PRDM16: variants seen among roughly 807,000 people sequenced by gnomAD.
The protein encoded by PRDM16 is histone-lysine N-methyltransferase PRDM16.
A neutral mutation model predicts 110.6 loss-of-function variants in PRDM16; 23 were observed. That is an observed-to-expected ratio of 0.21 (90% CI 0.15 to 0.29). The LOEUF (loss-of-function observed/expected upper bound fraction) is 0.29, where lower values mean the gene tolerates loss of function less well. Ranked by LOEUF, PRDM16 falls within the 10% of genes least tolerant of loss-of-function variation. The pLI, the probability that PRDM16 is intolerant of heterozygous loss-of-function variation, is 1.00. For missense variants in PRDM16, 1,615 were observed against 1,794.3 expected (o/e 0.90, Z 1.81); for synonymous variants, 799 against 781.8 (o/e 1.02, Z -0.37).
chr1:3,415,370 G>A (rs1643761621), intron 10 of PRDM16, among the ~76,000 whole-genome samples: 2 of 152,376 alleles, frequency 1.3e-5, no homozygotes, highest in South Asian at 4.1e-4. Flanking sequence ...GGGTCGCACA[G>A]TGGGCCTGGC....
At chr1:3,203,461 G>T (rs1557526466) in intron 2 of PRDM16, among the ~76,000 whole-genome samples, 1 of 152,244 alleles carries the variant, frequency 6.6e-6, no homozygotes, top group Non-Finnish European at 1.5e-5. Flanking sequence ...CTGCCGCAAG[G>T]TGCCATGTGC....
chr1:3,178,798 G>C (rs1644119209), intron 1 of PRDM16, among the ~76,000 whole-genome samples: 1 of 152,124 alleles, frequency 6.6e-6, no homozygotes, highest in South Asian at 2.1e-4. Context: ...CCCCGCCCCA[G>C]GTCAGTGGGC....
In PRDM16 at chr1:3,290,721, G is replaced by A. The variant is rs1640954130; in HGVS notation, c.438+46584G>A. On this transcript the variant is annotated intron_variant, in intron 3 of 16. Coordinates refer to ENST00000270722, the MANE Select transcript of PRDM16 (RefSeq NM_022114.4). The surrounding 1 kb of genome is among the most constrained non-coding windows in gnomAD (Gnocchi z 4.8). The stretch of plus-strand genomic sequence containing the variant: ...GGCTCCAGGGGGACGTGCAGGGAGT[G>A]GAAGAAACTCAAGCCGGGAGCTGTG... 6.6e-6 allele frequency among the ~76,000 whole-genome samples: 1 copy of A among 152,148 alleles called. No individual in the cohort carries two copies. The highest frequency in any genetic ancestry group is 1.5e-5 in the Non-Finnish European group (1 of 68,036).
chr1:3,421,850 A>G (rs1288524465), intron 12 of PRDM16, among the ~76,000 whole-genome samples: 2 of 152,268 alleles, frequency 1.3e-5, no homozygotes, highest in African/African-American at 4.8e-5. Context: ...TTGAGCACAC[A>G]TGCAGACAGA....
chr1:3,184,894 AG>A (rs1644250684), intron 1 of PRDM16, among the ~76,000 whole-genome samples: 1 of 151,728 alleles, frequency 6.6e-6, no homozygotes, highest in Non-Finnish European at 1.5e-5. Flanking sequence ...CTCCTTGGGG[AG>A]GGGTGGTGCC....
Position 3,095,200 on chromosome 1 carries a change from G to A in PRDM16, c.37+25904G>A, listed in dbSNP as rs1260489190. Among the ~76,000 whole-genome samples, 19 of 152,328 alleles carry A rather than the reference G, an allele frequency of 1.2e-4. No homozygotes were observed. In the South Asian group the frequency reaches 2.9e-3, roughly 23 times the overall value. The stretch of plus-strand genomic sequence containing the variant: ...AGGCTGGAGCTCCACCTCCCCAACC[G>A]CCAGTCCAAACCATGCTGGCACTTG... On this transcript the variant is annotated intron_variant, in intron 1 of 16. Transcript: ENST00000270722.
chr1:3,398,420 C>T (rs867333832), intron 5 of PRDM16, among the ~76,000 whole-genome samples: 1 of 152,172 alleles, frequency 6.6e-6, no homozygotes, highest in African/African-American at 2.4e-5. Context: ...CCTCCCCCAC[C>T]AGTTAAACTC....
chr1:3,180,555 C>A (rs957082844), intron 1 of PRDM16, among the ~76,000 whole-genome samples: 5 of 152,146 alleles, frequency 3.3e-5, no homozygotes, highest in African/African-American at 9.7e-5. Context: ...CCGAGGGCCG[C>A]AAAAGTAAAG....
At chr1:3,165,150 G>A (rs986375712) in intron 1 of PRDM16, among the ~76,000 whole-genome samples, 9 of 152,242 alleles carry the variant, frequency 5.9e-5, no homozygotes, top group African/African-American at 2.2e-4. Context: ...TGGTGTGAGC[G>A]CCCGTGGGCT....
chr1:3,219,869 G>A (rs375158715), intron 2 of PRDM16, among the ~76,000 whole-genome samples: 5 of 152,316 alleles, frequency 3.3e-5, no homozygotes, highest in Admixed American at 1.3e-4. Flanking sequence ...AGCAAAGCCA[G>A]CTCCCCCACA....
At chr1:3,407,242 C>T (rs772303537) in intron 8 of PRDM16, among the ~76,000 whole-genome samples, 3 of 152,216 alleles carry the variant, frequency 2.0e-5, no homozygotes, top group Non-Finnish European at 2.9e-5. Flanking sequence ...GGGCTGTGCC[C>T]GTCCCACCCA....
rs558845456 is a variant in PRDM16, at chr1:3,424,600, G to C, written c.2940-981G>C. On this transcript the variant is annotated intron_variant, in intron 12 of 16. Coordinates refer to ENST00000270722, the MANE Select transcript of PRDM16 (RefSeq NM_022114.4). ...GGGGGAATAAAGATAAACCGAGCCC[G>C]GGAGCTGGCAGTGCCCAAAGGGGCC... Among the ~76,000 whole-genome samples the C allele has an allele frequency of 2.6e-5, 4 of 152,374 alleles. No individual in the cohort carries two copies. In the East Asian group the frequency reaches 5.8e-4, roughly 22 times the overall value.
rs755581092 is a variant in PRDM16 at position 3,425,763 on chromosome 1, G to A, written c.3109+13G>A. 4 of 1,612,928 alleles carry A rather than the reference G, an allele frequency of 2.5e-6. No individual in the cohort carries two copies. The East Asian group carries it at 8.9e-5, about 36-fold the overall frequency. On this transcript the variant is annotated intron_variant, in intron 13 of 16. Coordinates refer to ENST00000270722, the MANE Select transcript of PRDM16 (RefSeq NM_022114.4). This position sits in a 1 kb window ranked among gnomAD's most constrained non-coding sequence, Gnocchi z 6.9. ...GAGAACGCACCAGGTGGGCCACGCG[G>A]GGTGGGGCAGCCCCCAGAGCACCCA...
At chr1:3,141,708 T>G (rs1260911961) in intron 1 of PRDM16, among the ~76,000 whole-genome samples, 1 of 152,214 alleles carries the variant, frequency 6.6e-6, no homozygotes, top group Admixed American at 6.5e-5. Context: ...ATGGCCTTCT[T>G]CTGTTGTGCT....
intron 3 of PRDM16, among the ~76,000 whole-genome samples, chr1:3,289,748 G>C (rs771144106): frequency 7.2e-5 from 11 of 152,208 alleles, no homozygotes; most frequent in Non-Finnish European, 1.3e-4. Context: ...ACATGGGACA[G>C]CCACGGCCTT....
At chr1:3,238,815 G>A (rs905107385) in intron 2 of PRDM16, among the ~76,000 whole-genome samples, 2 of 152,370 alleles carry the variant, frequency 1.3e-5, no homozygotes, top group African/African-American at 2.4e-5. Context: ...CTGTCCTGCC[G>A]GAGCACACTC....
chr1:3,180,525 G>A (rs1206561511), intron 1 of PRDM16, among the ~76,000 whole-genome samples: 1 of 152,150 alleles, frequency 6.6e-6, no homozygotes, highest in Non-Finnish European at 1.5e-5. Context: ...CAGCTGGGTG[G>A]GACCGAGTCC....
intron 8 of PRDM16, among the ~76,000 whole-genome samples, chr1:3,407,043 G>A (rs909892347): frequency 2.0e-5 from 3 of 152,256 alleles, no homozygotes; most frequent in African/African-American, 7.2e-5. Flanking sequence ...TAGCTTCAGG[G>A]GCCTGGCTCC....
intron 1 of PRDM16, among the ~76,000 whole-genome samples, chr1:3,164,240 C>T (rs1388389464): frequency 5.3e-5 from 8 of 152,192 alleles, no homozygotes; most frequent in African/African-American, 1.7e-4. Flanking sequence ...GTTTGAAAAG[C>T]GATTTAAAAT....
Sources: gnomAD v4.1 joint callset for allele counts (sites outside exome capture counted in the v4.1 genomes callset) on GRCh38, gnomAD v4.1.1 for gene constraint, Gnocchi (gnomAD v3.1) non-coding constraint, MANE v1.5 for transcripts, NCBI Gene and HGNC (gene_info 2026-07-23, HGNC 2026-07-21) for gene names.